The following CPSF4 variants were observed in gnomAD, a reference collection of about 807,000 sequenced individuals.
CPSF4 encodes the protein cleavage and polyadenylation specific factor 4.
CPSF4 carries 11 observed loss-of-function variants against 37.7 expected under a neutral mutation model. That is an observed-to-expected ratio of 0.29 (90% confidence interval 0.18 to 0.48). The LOEUF is 0.48. CPSF4 is among the 20% of genes least tolerant of loss of function. The pLI, the probability that CPSF4 is intolerant of heterozygous loss-of-function variation, is 0.99. For synonymous variants in CPSF4, 132 were observed against 135.9 expected (o/e 0.97, Z 0.20); for missense variants, 144 against 359.5 (o/e 0.40, Z 4.85).
chr7:99,457,243 G>A lies in CPSF4; in HGVS notation c.*743G>A, dbSNP rs997185152. The A allele has an allele frequency of 6.5e-6, 1 of 154,948 alleles. No homozygotes were observed. Among genetic ancestry groups the A allele is most frequent in the Non-Finnish European group, 1.4e-5 (1 of 69,496 alleles). The allele number at this position is 154,948 out of a possible 1,614,324, so 9.6% of individuals were successfully genotyped here. On this transcript the variant is annotated 3_prime_UTR_variant, in exon 8 of 8. Coordinates refer to ENST00000292476, the MANE Select transcript of CPSF4 (RefSeq NM_006693.4). ...ACTGTCACTCAGACACCTGTGGCAT[G>A]TGGAGGAGACTGCCCTGTCCTGAGC...
At chr7:99,447,851 C>CT in intron 2 of CPSF4, 1 of 516,612 alleles carries the variant, frequency 1.9e-6, no homozygotes, top group Non-Finnish European at 3.8e-6. Context: ...ACCTTGTGAT[C>CT]CGCCCACCTC....
At chr7:99,450,457 C>T in intron 4 of CPSF4, 86 bp downstream of exon 4, 1 of 945,274 alleles carries the variant, frequency 1.1e-6, no homozygotes, top group Non-Finnish European at 1.7e-6. Context: ...AGCTGGTCTA[C>T]CTGTCCCAGC....
chr7:99,443,331 C>G, intron 1 of CPSF4: 1 of 954,272 alleles, frequency 1.0e-6, no homozygotes. Context: ...TGTTTCATCT[C>G]CTAGTACATC....
At position 99,448,428 on chromosome 7, in the gene CPSF4, A is replaced by T; in HGVS notation, c.307+155A>T. On this transcript the variant is annotated intron_variant, in intron 3 of 7. Transcript: ENST00000292476. The surrounding 1 kb of genome is among the most constrained non-coding windows in gnomAD (Gnocchi z 4.4). The stretch of plus-strand genomic sequence containing the variant: ...AACCTGCCAGCCTCAGCCAGCTTTT[A>T]GGGGACAGTGTGGCTATTTTCTGCT... 23 of 573,308 alleles carry T rather than the reference A, an allele frequency of 4.0e-5. No homozygotes were observed. The highest frequency in any genetic ancestry group is 4.5e-5 in the Non-Finnish European group (16 of 351,912). The allele number at this position is 573,308 out of a possible 1,614,324, so 35.5% of individuals were successfully genotyped here.
intron 2 of CPSF4, among the ~76,000 whole-genome samples, chr7:99,445,069 C>T (rs149573029): frequency 7.9e-4 from 120 of 152,324 alleles, no homozygotes; most frequent in Middle Eastern, 3.4e-3. Flanking sequence ...TTCGCATTCC[C>T]CGTGGCCACA....
rs146279758 is a variant in CPSF4 at position 99,445,022 on chromosome 7, C to G, written c.154+183C>G. Among the ~76,000 whole-genome samples, 536 of 152,310 alleles carry G rather than the reference C, an allele frequency of 3.5e-3. 3 individuals carry two copies. The highest frequency in any genetic ancestry group is 0.012 in the African/African-American group (503 of 41,564). On this transcript the variant is annotated intron_variant, in intron 2 of 7. Transcript: ENST00000292476. ...TGGGGTGTTCCACCTGAAACCTAAA[C>G]GCAGGACTGAACCTGGCTCTAAGGC... is the stretch of plus-strand genomic sequence containing the variant.
chr7:99,443,089 G>C, intron 1 of CPSF4: 1 of 928,352 alleles, frequency 1.1e-6, no homozygotes. Context: ...TTAACCATAG[G>C]TGTGTTCAGA....
Position 99,438,966 on chromosome 7 carries a change from G to T in CPSF4, c.-117G>T, listed in dbSNP as rs1245112508. The T allele has an allele frequency of 3.6e-5, 48 of 1,333,352 alleles. No homozygotes were observed. Among genetic ancestry groups the T allele is most frequent in the Non-Finnish European group, 4.4e-5 (46 of 1,038,622 alleles). 82.6% of individuals were successfully genotyped at this position (1,333,352 alleles called of 1,614,324 possible). ...CCGGCATCCCTCGGGCGGCGGCGGC[G>T]GCGGCGGCGAGGCGAAGCGAAGGAG... On this transcript the variant is annotated 5_prime_UTR_variant, in exon 1 of 8. Transcript: ENST00000292476.
At chr7:99,454,249 G>A in intron 7 of CPSF4, 113 bp downstream of exon 7, 1 of 1,022,434 alleles carries the variant, frequency 9.8e-7, no homozygotes, top group Non-Finnish European at 1.4e-6. Context: ...CATTTTTGCT[G>A]ATTGTAAGCA....
At chr7:99,444,676 C>T in intron 1 of CPSF4, 113 bp from the exon 2 acceptor site, 2 of 1,001,058 alleles carry the variant, frequency 2.0e-6, no homozygotes. Context: ...ATTTCCTGTA[C>T]CCTGAACCCT....
rs542907283 is a variant in CPSF4, at chr7:99,445,095, T to C, written c.154+256T>C. On this transcript the variant is annotated intron_variant, in intron 2 of 7. Coordinates refer to ENST00000292476, the MANE Select transcript of CPSF4 (RefSeq NM_006693.4). ...CGTGGCCACAAGCTGACCTGTGACA[T>C]GGAGAGAAGCCCCCAGCATTGAGAC... 1.5e-3 allele frequency among the ~76,000 whole-genome samples: 221 copies of C among 152,338 alleles called. 1 individual carries two copies. The highest frequency in any genetic ancestry group is 4.5e-3 in the African/African-American group (187 of 41,568).
chr7:99,440,666 A>ATGTTT (rs1562852757), intron 1 of CPSF4, among the ~76,000 whole-genome samples: 10 of 85,398 alleles, frequency 1.2e-4, no homozygotes, highest in Admixed American at 1.2e-4. Flanking sequence ...ATATATATAT[A>ATGTTT]TATATATATT....
At chr7:99,439,531 T>G in intron 1 of CPSF4, 1 of 240,628 alleles carries the variant, frequency 4.2e-6, no homozygotes, top group Middle Eastern at 1.3e-3. Context: ...TGGGGACTCC[T>G]TTTACCCTCA....
Position 99,444,853 on chromosome 7 carries a change from G to A in CPSF4, c.154+14G>A. 1.2e-6 allele frequency: 2 copies of A among 1,613,082 alleles called. No individual in the cohort carries two copies. The highest frequency in any genetic ancestry group is 1.7e-6 in the Non-Finnish European group (2 of 1,179,626). ...CCTGCGGCAAAGGTAAGAAACTCCGGGCTCCCTGATGTGCCTCCGGAGGCG... is the reference window on the plus strand; with the variant it reads ...CCTGCGGCAAAGGTAAGAAACTCCGAGCTCCCTGATGTGCCTCCGGAGGCG... On this transcript the variant is annotated intron_variant, in intron 2 of 7. Coordinates refer to ENST00000292476, the MANE Select transcript of CPSF4 (RefSeq NM_006693.4).
Position 99,448,397 on chromosome 7 carries a change from T to C in CPSF4, c.307+124T>C. 1 of 1,057,316 alleles carries C rather than the reference T, an allele frequency of 9.5e-7. No individual in the cohort carries two copies. The highest frequency in any genetic ancestry group is 1.3e-6 in the Non-Finnish European group (1 of 759,276). The allele number at this position is 1,057,316 out of a possible 1,614,324, so 65.5% of individuals were successfully genotyped here. A position where few individuals can be genotyped will look rare whatever the true frequency, so the allele number is the denominator to read the frequency against. ...TCTTTCTATTCTCAGAGGAGAACTC[T>C]GGCAGAACCTGCCAGCCTCAGCCAG... On this transcript the variant is annotated intron_variant, in intron 3 of 7. Coordinates refer to ENST00000292476, the MANE Select transcript of CPSF4 (RefSeq NM_006693.4). This position sits in a 1 kb window ranked among gnomAD's most constrained non-coding sequence, Gnocchi z 4.4.
intron 1 of CPSF4, among the ~76,000 whole-genome samples, chr7:99,440,668 A>T (rs1323289783): frequency 2.0e-4 from 17 of 84,792 alleles, no homozygotes; most frequent in African/African-American, 6.3e-4. Flanking sequence ...ATATATATAT[A>T]TATATATTTT....
chr7:99,448,096 C>A lies in CPSF4; in HGVS notation c.155-25C>A, dbSNP rs1237390001. 2 of 1,611,834 alleles carry A rather than the reference C, an allele frequency of 1.2e-6. No homozygotes were observed. Among genetic ancestry groups the A allele is most frequent in the Non-Finnish European group, 8.5e-7 (1 of 1,179,018 alleles). ...AGGCTCAGGGTGGCCTCTCTGCTGA[C>A]ACCCTGTCCCTATCTTGCCGGCAGG... On this transcript the variant is annotated intron_variant, in intron 2 of 7. Coordinates refer to ENST00000292476, the MANE Select transcript of CPSF4 (RefSeq NM_006693.4). The surrounding 1 kb of genome is among the most constrained non-coding windows in gnomAD (Gnocchi z 4.4).
chr7:99,441,467 C>T, intron 1 of CPSF4: 1 of 456,300 alleles, frequency 2.2e-6, no homozygotes, highest in Non-Finnish European at 4.4e-6. Context: ...GCACCCTCCA[C>T]ACTCGCTGCT....
At position 99,456,732 on chromosome 7, in the gene CPSF4, G is replaced by A. The variant is rs923067833; in HGVS notation, c.*232G>A. On this transcript the variant is annotated 3_prime_UTR_variant, in exon 8 of 8. Transcript: ENST00000292476. ...TGCAGTCGACATCATGTTTGGCTGG[G>A]CATCGATGCCTCCTTTCTGGGACTC... 3.3e-6 allele frequency: 2 copies of A among 598,102 alleles called. No homozygotes were observed. Among genetic ancestry groups the A allele is most frequent in the Non-Finnish European group, 6.1e-6 (2 of 326,130 alleles). 37.0% of individuals were successfully genotyped at this position (598,102 alleles called of 1,614,324 possible).
Sources: allele counts gnomAD v4.1 joint callset (sites outside exome capture counted in the v4.1 genomes callset), GRCh38; gene constraint gnomAD v4.1.1; non-coding constraint Gnocchi (gnomAD v3.1); transcripts MANE v1.5; gene names NCBI Gene and HGNC (gene_info 2026-07-23, HGNC 2026-07-21).